DPP6: variants seen among roughly 807,000 people sequenced by gnomAD.
DPP6 encodes A-type potassium channel modulatory protein DPP6.
In DPP6, 69 loss-of-function variants were observed where a neutral mutation model predicts 122.6. The observed-to-expected ratio is 0.56, with a 90% CI of 0.46 to 0.69. DPP6 has a LOEUF of 0.69. Ranked by LOEUF, DPP6 falls within the 30% of genes least tolerant of loss-of-function variation. The pLI, the probability that DPP6 is intolerant of heterozygous loss-of-function variation, is 0.00. For missense variants in DPP6, 928 were observed against 1,116.9 expected (o/e 0.83, Z 2.41); for synonymous variants, 418 against 433.1 (o/e 0.97, Z 0.43).
rs1022889506 is a variant in DPP6, at chr7:154,444,783, T to C, written c.244-1431T>C. ...TTAGCAAGATCTAATTACTTATCCT[T>C]GGCCCTGGCCAGTGATTTTCTCCCA... On this transcript the variant is annotated intron_variant, in intron 1 of 25. Coordinates refer to ENST00000377770, the MANE Select transcript of DPP6 (RefSeq NM_130797.4). Among the ~76,000 whole-genome samples, 7 of 152,240 alleles carry C rather than the reference T, an allele frequency of 4.6e-5. No homozygotes were observed. In the East Asian group the frequency reaches 5.8e-4, roughly 13 times the overall value.
At chr7:154,078,162 C>G (rs951709920) in intron 1 of DPP6, among the ~76,000 whole-genome samples, 1 of 151,882 alleles carries the variant, frequency 6.6e-6, no homozygotes, top group African/African-American at 2.4e-5. Context: ...TTTTGATTTG[C>G]TTTTTCCAAG....
chr7:154,267,981 A>G (rs1306877077), intron 1 of DPP6, among the ~76,000 whole-genome samples: 5 of 151,880 alleles, frequency 3.3e-5, no homozygotes, highest in African/African-American at 9.7e-5. Context: ...ATATGCGCAC[A>G]TACATATTTA....
chr7:154,565,600 G>A (rs1310357127), intron 4 of DPP6, among the ~76,000 whole-genome samples: 1 of 151,808 alleles, frequency 6.6e-6, no homozygotes, highest in Admixed American at 6.6e-5. Flanking sequence ...ATCTCGGTCC[G>A]CCACAACCTC....
intron 6 of DPP6, among the ~76,000 whole-genome samples, chr7:154,658,705 CTTG>C (rs1191948741): frequency 6.6e-6 from 1 of 152,200 alleles, no homozygotes; most frequent in Non-Finnish European, 1.5e-5. Flanking sequence ...CCCACACCTC[CTTG>C]TCCCTTTAGA....
chr7:154,109,455 CTAATTTTTGTATT>C (rs1397523872), intron 1 of DPP6, among the ~76,000 whole-genome samples: 1 of 151,900 alleles, frequency 6.6e-6, no homozygotes, highest in Non-Finnish European at 1.5e-5. Flanking sequence ...CCATGCCCAG[CTAATTTTTGTATT>C]TTTAGTAGAG....
At chr7:154,248,814 C>G (rs552861961) in intron 1 of DPP6, among the ~76,000 whole-genome samples, 1 of 151,486 alleles carries the variant, frequency 6.6e-6, no homozygotes, top group East Asian at 1.9e-4. Context: ...TGCAGTGAGC[C>G]GAGATTGCGC....
intron 1 of DPP6, among the ~76,000 whole-genome samples, chr7:154,071,622 A>C (rs1192930189): frequency 6.6e-6 from 1 of 152,232 alleles, no homozygotes; most frequent in Non-Finnish European, 1.5e-5. Context: ...ATAATTATCA[A>C]GGCTTCGGCA....
chr7:154,809,186 A>G (rs1325743330), intron 16 of DPP6, among the ~76,000 whole-genome samples: 2 of 152,188 alleles, frequency 1.3e-5, no homozygotes, highest in Non-Finnish European at 2.9e-5. Flanking sequence ...TACCTATGCC[A>G]CCAAGGGGAA....
intron 2 of DPP6, among the ~76,000 whole-genome samples, chr7:154,462,088 G>A (rs1193195562): frequency 6.6e-6 from 1 of 152,058 alleles, no homozygotes; most frequent in Non-Finnish European, 1.5e-5. Context: ...TGGATATCCA[G>A]TTTTCCCTTC....
intron 4 of DPP6, among the ~76,000 whole-genome samples, chr7:154,561,835 A>G (rs1405776545): frequency 6.6e-6 from 1 of 152,218 alleles, no homozygotes; most frequent in African/African-American, 2.4e-5. Flanking sequence ...TAATTTGGAC[A>G]ATATAAATGA....
At chr7:153,992,602 C>T (rs2533599) in intron 1 of DPP6, among the ~76,000 whole-genome samples, 4 of 152,252 alleles carry the variant, frequency 2.6e-5, no homozygotes, top group Non-Finnish European at 5.9e-5. Flanking sequence ...TACCCACTGC[C>T]ATCAGATCAC....
chr7:154,767,250 A>G (rs1795963096), intron 8 of DPP6, among the ~76,000 whole-genome samples: 2 of 152,012 alleles, frequency 1.3e-5, no homozygotes, highest in African/African-American at 2.4e-5. Context: ...CTGCCCTGTG[A>G]ATTCTGCTCA....
chr7:154,650,536 T>C (rs1350082751), intron 6 of DPP6, among the ~76,000 whole-genome samples: 1 of 152,156 alleles, frequency 6.6e-6, no homozygotes, highest in Non-Finnish European at 1.5e-5. Context: ...GGTGTTTCCT[T>C]AATGAGAAGG....
intron 3 of DPP6, among the ~76,000 whole-genome samples, chr7:154,508,763 A>G (rs1825845027): frequency 1.3e-5 from 2 of 152,224 alleles, no homozygotes; most frequent in Admixed American, 1.3e-4. Context: ...AGACTTTCCA[A>G]GCTTATCAGC....
chr7:154,047,056 TG>T (rs1344572291), intron 1 of DPP6, among the ~76,000 whole-genome samples: 7 of 148,276 alleles, frequency 4.7e-5, no homozygotes, highest in African/African-American at 1.8e-4. Context: ...TTATCCATTT[TG>T]GTTTTGCTGT....
At chr7:153,948,625 A>AT (rs950508686) in intron 1 of DPP6, among the ~76,000 whole-genome samples, 4 of 146,224 alleles carry the variant, frequency 2.7e-5, no homozygotes, top group Non-Finnish European at 4.5e-5. Flanking sequence ...TTTTATTTTT[A>AT]TTTTTTTTAG....
chr7:153,848,834 C>T, the DPP6 span, among the ~76,000 whole-genome samples: 1 of 152,108 alleles, frequency 6.6e-6, no homozygotes, highest in African/African-American at 2.4e-5. Flanking sequence ...TACTGGGTTA[C>T]TACTAATTTG....
At chr7:153,984,553 C>T (rs1796748859) in intron 1 of DPP6, among the ~76,000 whole-genome samples, 1 of 152,128 alleles carries the variant, frequency 6.6e-6, no homozygotes, top group South Asian at 2.1e-4. Context: ...GGGGAATTCT[C>T]TTATTTTTAT....
intron 1 of DPP6, among the ~76,000 whole-genome samples, chr7:153,918,558 C>T (rs1296968492): frequency 1.6e-4 from 21 of 130,252 alleles, no homozygotes; most frequent in African/African-American, 6.6e-4. Context: ...CACACACACA[C>T]ACACACAGTC....
Sources: allele counts gnomAD v4.1 joint callset (sites outside exome capture counted in the v4.1 genomes callset), GRCh38; gene constraint gnomAD v4.1.1; transcripts MANE v1.5; gene names NCBI Gene and HGNC (gene_info 2026-07-23, HGNC 2026-07-21).